SPACA6: variants seen among roughly 807,000 people sequenced by gnomAD.
SPACA6 encodes the protein sperm acrosome membrane-associated protein 6.
For synonymous variants in SPACA6, 6 were observed against 1.5 expected, an observed-to-expected ratio of 4.05 and a Z score of -2.21; for missense variants, 8 against 2.8, an observed-to-expected ratio of 2.88 and a Z score of -1.34.
upstream of SPACA6, among the ~76,000 whole-genome samples, chr19:51,689,990 AG>A (rs1345936121): frequency 1.8e-5 from 1 of 56,888 alleles, no homozygotes; most frequent in African/African-American, 7.2e-5. Context: ...CGGGGCTTTG[AG>A]GGGTCAAGGG....
At chr19:51,692,924 G>A (rs1266093865), upstream of SPACA6, 2 of 518,310 alleles carry the variant, frequency 3.9e-6, no homozygotes, top group Admixed American at 2.0e-5. This position sits in a 1 kb window ranked among gnomAD's most constrained non-coding sequence, Gnocchi z 5.6. Context: ...GGGACCCTTA[G>A]CCCCACTGGG....
At chr19:51,687,507 C>T (rs1448471437), upstream of SPACA6, 1 of 130,026 alleles carries the variant, frequency 7.7e-6, no homozygotes, top group East Asian at 2.9e-4. Context: ...AAAAAAAAAC[C>T]AAGGTGCAGA....
chr19:51,702,047 G>C (rs886700678), intron 3 of SPACA6, among the ~76,000 whole-genome samples: 22 of 152,136 alleles, frequency 1.4e-4, no homozygotes, highest in Admixed American at 6.5e-5. Flanking sequence ...CTGGGTGACA[G>C]AGCAAGACTC....
chr19:51,704,049 C>T lies in SPACA6; in HGVS notation c.593C>T (p.Ser198Phe). 2.5e-6 allele frequency: 1 copy of T among 401,182 alleles called. No homozygotes were observed. The highest frequency in any genetic ancestry group is 4.4e-5 in the Admixed American group (1 of 22,746). The allele number at this position is 401,182 out of a possible 1,614,324, so 24.9% of individuals were successfully genotyped here. The stretch of plus-strand genomic sequence containing the variant: ...CCGCAGCTCCGGACTCAGGACTTGT[C>T]CTATTTCCGAGATATGCCGCGGGCC... ...AGGGLRTQDL[S>F]YFRDMPRAEG... The change falls in exon 7 of 9, where the codon TCC becomes TTC. Residue 198 changes from serine to phenylalanine, a missense_variant. By Grantham distance (155) the Ser-to-Phe change is radical (BLOSUM62 -2). Transcript: ENST00000637797.
chr19:51,698,457 C>T (rs2083445813), intron 2 of SPACA6, among the ~76,000 whole-genome samples: 1 of 152,202 alleles, frequency 6.6e-6, no homozygotes, highest in African/African-American at 2.4e-5. Flanking sequence ...CCCACGCTCA[C>T]CCTGCCCATG....
rs561677291 is a variant in SPACA6 at position 51,704,665 on chromosome 19, C to G, written c.941+185C>G. The G allele has an allele frequency of 7.8e-3, 3,127 of 399,028 alleles. 20 individuals are homozygous for G. Among genetic ancestry groups the G allele is most frequent in the South Asian group, 0.017 (133 of 7,880 alleles). 24.7% of individuals were successfully genotyped at this position (399,028 alleles called of 1,614,324 possible). A position where few individuals can be genotyped will look rare whatever the true frequency, so the allele number is the denominator to read the frequency against. On this transcript the variant is annotated intron_variant, in intron 8 of 8. Coordinates refer to ENST00000637797, the MANE Select transcript of SPACA6 (RefSeq NM_001316972.2). ...CCCAGGAATCCAAGTCCCCAGCCCC[C>G]TCCTCCCTTAGATCTAAGAGTCCAG...
At chr19:51,707,520 C>G (rs2083521651), downstream of SPACA6, among the ~76,000 whole-genome samples, 1 of 152,136 alleles carries the variant, frequency 6.6e-6, no homozygotes, top group Non-Finnish European at 1.5e-5. Flanking sequence ...CCGCGCCTGG[C>G]CAGAAAACTG....
At chr19:51,702,703 G>A in intron 4 of SPACA6, 51 bp downstream of exon 4, 1 of 399,150 alleles carries the variant, frequency 2.5e-6, no homozygotes. Flanking sequence ...GAGGCGGTCG[G>A]GGACGAAACG....
At position 51,704,074 on chromosome 19, in the gene SPACA6, C is replaced by T. The variant is rs1251252522; in HGVS notation, c.618C>T (p.Ala206=). 5.0e-6 allele frequency: 2 copies of T among 401,086 alleles called. No individual in the cohort carries two copies. Among genetic ancestry groups the T allele is most frequent in the South Asian group, 1.3e-4 (1 of 7,968 alleles). The allele number at this position is 401,086 out of a possible 1,614,324, so 24.8% of individuals were successfully genotyped here. A position where few individuals can be genotyped will look rare whatever the true frequency, so the allele number is the denominator to read the frequency against. Residue 206 remains alanine (A), a synonymous_variant, in exon 7 of 9, where the codon GCC becomes GCT. Transcript: ENST00000637797. ...CCTATTTCCGAGATATGCCGCGGGC[C>T]GAAGGATACCTGGCGCGGATCCGGC... ...DLSYFRDMPR[A]EGYLARIRPA...
chr19:51,711,335 A>G (rs1031238738), intron 2 of SPACA6, among the ~76,000 whole-genome samples: 5 of 152,168 alleles, frequency 3.3e-5, no homozygotes, highest in African/African-American at 1.2e-4. Context: ...CAAAACCACA[A>G]TGAAAGCCAC....
In SPACA6 at chr19:51,703,277, C is replaced by T. The variant is rs750560084; in HGVS notation, c.513C>T (p.Ile171=). 1.1e-4 allele frequency: 43 copies of T among 399,286 alleles called. No individual in the cohort carries two copies. Among genetic ancestry groups the T allele is most frequent in the Non-Finnish European group, 1.5e-4 (35 of 226,140 alleles). The allele number at this position is 399,286 out of a possible 1,614,324, so 24.7% of individuals were successfully genotyped here. ...TRGDQAMFSC[I]VNFQLPKEEI... ...GCGACCAGGCTATGTTTTCTTGCAT[C>T]GTAAACTTCCAGCTGCCAAAGGAGG... The change falls in exon 6 of 9, where the codon ATC becomes ATT. Residue 171 remains isoleucine, a synonymous_variant. Transcript: ENST00000637797. The surrounding 1 kb of genome is among the most constrained non-coding windows in gnomAD (Gnocchi z 4.2).
chr19:51,698,787 G>A (rs534838250), intron 2 of SPACA6, among the ~76,000 whole-genome samples: 72 of 152,296 alleles, frequency 4.7e-4, no homozygotes, highest in African/African-American at 1.6e-3. Flanking sequence ...CTTTAAGCCC[G>A]TAGGAAGTTT....
At chr19:51,706,610 C>G (rs74355924), downstream of SPACA6, among the ~76,000 whole-genome samples, 2,735 of 152,280 alleles carry the variant, frequency 0.018, 35 homozygotes, top group Non-Finnish European at 0.028. Flanking sequence ...CTCTCTCTCC[C>G]TGTTTGACAT....
chr19:51,701,458 G>C (rs1022773817), intron 2 of SPACA6, among the ~76,000 whole-genome samples, 200 bp from the exon 3 acceptor site: 2 of 152,134 alleles, frequency 1.3e-5, no homozygotes, highest in African/African-American at 4.8e-5. Flanking sequence ...ACTACAGAGG[G>C]CGGGTGATGA....
downstream of SPACA6, chr19:51,713,141 T>C: frequency 2.6e-6 from 1 of 385,586 alleles, no homozygotes; most frequent in Admixed American, 4.5e-5. This position sits in a 1 kb window ranked among gnomAD's most constrained non-coding sequence, Gnocchi z 4.5. Flanking sequence ...TATTACATCC[T>C]GATCACACAG....
At chr19:51,704,962 C>T (rs1394965621) in intron 8 of SPACA6, 128 bp from the exon 9 acceptor site, 4 of 395,132 alleles carry the variant, frequency 1.0e-5, no homozygotes, top group Non-Finnish European at 1.3e-5. Context: ...AGGCCCCCTG[C>T]CCCCTCCTCC....
At chr19:51,708,892 A>C (rs565553638), downstream of SPACA6, among the ~76,000 whole-genome samples, 1 of 152,146 alleles carries the variant, frequency 6.6e-6, no homozygotes, top group Admixed American at 6.5e-5. Context: ...GCAAAAATTT[A>C]AAAAGGGAAA....
chr19:51,702,697 C>T (rs2083478750), intron 4 of SPACA6, 45 bp downstream of exon 4: 2 of 398,982 alleles, frequency 5.0e-6, no homozygotes, highest in African/African-American at 2.1e-5. Flanking sequence ...GTAAGGGAGG[C>T]GGTCGGGGAC....
chr19:51,704,655 C>T (rs985959338), intron 8 of SPACA6, 175 bp downstream of exon 8: 6 of 398,936 alleles, frequency 1.5e-5, no homozygotes, highest in African/African-American at 1.2e-4. Flanking sequence ...GAATCCAAGT[C>T]CCCAGCCCCC....
Sources: allele counts gnomAD v4.1 joint callset (sites outside exome capture counted in the v4.1 genomes callset), GRCh38; gene constraint gnomAD v4.1.1; non-coding constraint Gnocchi (gnomAD v3.1); transcripts MANE v1.5; gene names NCBI Gene and HGNC (gene_info 2026-07-23, HGNC 2026-07-21).